Variants in MFSD11 observed in about 807,000 individuals in gnomAD.
MFSD11 encodes the protein UNC93-like protein MFSD11.
In MFSD11, 36 loss-of-function variants were observed where a neutral mutation model predicts 53.5. The observed-to-expected ratio is 0.67, with a 90% CI of 0.52 to 0.89. MFSD11 has a LOEUF of 0.89. Ranked by LOEUF, MFSD11 falls within the 40% of genes least tolerant of loss-of-function variation. The pLI, the probability that MFSD11 is intolerant of heterozygous loss-of-function variation, is 0.00. For missense variants in MFSD11, 530 were observed against 543.9 expected (o/e 0.97, Z 0.25); for synonymous variants, 186 against 184.9 (o/e 1.01, Z -0.05).
At chr17:76,803,155 C>CA in the MFSD11 span, among the ~76,000 whole-genome samples, 1 of 150,568 alleles carries the variant, frequency 6.6e-6, no homozygotes, top group African/African-American at 2.4e-5. Flanking sequence ...GACTCCGTCT[C>CA]AAAAAAACAA....
the MFSD11 span, among the ~76,000 whole-genome samples, chr17:76,791,969 C>T: frequency 2.0e-5 from 3 of 147,974 alleles, no homozygotes; most frequent in African/African-American, 5.1e-5. Flanking sequence ...AGGGCACTCA[C>T]GTCTATTCAA....
rs368885137 is a variant in MFSD11, at chr17:76,744,364, G to T, written c.539G>T (p.Ser180Ile). The T allele has an allele frequency of 8.7e-6, 14 of 1,614,084 alleles. No homozygotes were observed. ...GTGTTTATTGCCCTAACGGTGATTA[G>T]CCTTGTGGGGACAGTTCTATTCTTT... is the stretch of plus-strand genomic sequence containing the variant. Reference protein sequence around the residue: ...RTVFIALTVISLVGTVLFFLI... With the variant: ...RTVFIALTVIILVGTVLFFLI... Residue 180 changes from serine to isoleucine, a missense_variant, in exon 7 of 13, where the codon AGC (serine) becomes ATC (isoleucine). Coordinates refer to ENST00000685175, the MANE Select transcript of MFSD11 (RefSeq NM_001242532.5).
Position 76,742,087 on chromosome 17 carries a change from T to TG in MFSD11, c.340+43dup, listed in dbSNP as rs758983469. ...TTTTTAACTTCTCTGCTTTCTTTTC[T>TG]GGGGCCTATCTAAGGGTATTATTTA... On this transcript the variant is annotated intron_variant, in intron 4 of 12. Coordinates refer to ENST00000685175, the MANE Select transcript of MFSD11 (RefSeq NM_001242532.5). 3 of 1,614,168 alleles carry TG rather than the reference T, an allele frequency of 1.9e-6. No homozygotes were observed. In the East Asian group the frequency reaches 6.7e-5, roughly 36 times the overall value.
intron 10 of MFSD11, among the ~76,000 whole-genome samples, chr17:76,774,029 G>C (rs2081601087): frequency 6.6e-6 from 1 of 151,978 alleles, no homozygotes; most frequent in Non-Finnish European, 1.5e-5. Context: ...GGGTTCAAGT[G>C]ATTCTCCTGC....
intron 9 of MFSD11, chr17:76,769,194 G>C (rs2081163008): frequency 6.6e-6 from 1 of 152,300 alleles, no homozygotes; most frequent in African/African-American, 2.4e-5. Context: ...ATGCCGTCTT[G>C]TGGTATCTTA....
chr17:76,803,080 C>T, the MFSD11 span, among the ~76,000 whole-genome samples: 2 of 151,974 alleles, frequency 1.3e-5, no homozygotes, highest in Admixed American at 6.6e-5. Flanking sequence ...GGTGTGAACC[C>T]GGGAGGCAGA....
chr17:76,797,833 T>C, the MFSD11 span, among the ~76,000 whole-genome samples: 109,087 of 151,772 alleles, frequency 0.72, 40,085 homozygotes, highest in Middle Eastern at 0.81. Context: ...GGAGTTCCTA[T>C]AATCCCCAGC....
chr17:76,781,923 G>A (rs1598815824), downstream of MFSD11, among the ~76,000 whole-genome samples: 1 of 151,940 alleles, frequency 6.6e-6, no homozygotes, highest in East Asian at 1.9e-4. Context: ...TTGGGCTCAA[G>A]CAATATTCCG....
intron 7 of MFSD11, among the ~76,000 whole-genome samples, chr17:76,744,954 C>G (rs2078407421): frequency 6.6e-6 from 1 of 152,206 alleles, no homozygotes; most frequent in Non-Finnish European, 1.5e-5. Context: ...GGCTCTTGCA[C>G]TAACTTACAT....
At chr17:76,789,009 A>G in the MFSD11 span, among the ~76,000 whole-genome samples, 3 of 148,860 alleles carry the variant, frequency 2.0e-5, no homozygotes, top group Admixed American at 6.7e-5. Flanking sequence ...GGGCATAGTA[A>G]TGCACACCTG....
chr17:76,738,753 C>T (rs2077753912), intron 1 of MFSD11, among the ~76,000 whole-genome samples, 185 bp from the exon 2 acceptor site: 1 of 152,194 alleles, frequency 6.6e-6, no homozygotes, highest in Non-Finnish European at 1.5e-5. Context: ...TTCCTCCCCC[C>T]TCCCTGTCAT....
chr17:76,750,404 T>C (rs1039711163), intron 7 of MFSD11, among the ~76,000 whole-genome samples: 1 of 148,156 alleles, frequency 6.7e-6, no homozygotes, highest in Non-Finnish European at 1.5e-5. Flanking sequence ...AGTCTCACTC[T>C]GTCGCCCAGG....
At chr17:76,739,416 A>G (rs1020257179) in intron 2 of MFSD11, among the ~76,000 whole-genome samples, 1 of 152,212 alleles carries the variant, frequency 6.6e-6, no homozygotes, top group African/African-American at 2.4e-5. Flanking sequence ...TAATATACGT[A>G]TGTCAGGAGC....
chr17:76,744,554 G>T, intron 7 of MFSD11, 88 bp downstream of exon 7: 1 of 1,165,806 alleles, frequency 8.6e-7, no homozygotes, highest in South Asian at 1.6e-5. Flanking sequence ...AGCCCTAACT[G>T]ATGTCCAGTA....
chr17:76,741,146 A>G (rs2078048398), intron 3 of MFSD11, 82 bp downstream of exon 3: 1 of 938,828 alleles, frequency 1.1e-6, no homozygotes, highest in Non-Finnish European at 1.7e-6. Context: ...ACAATAATTT[A>G]TAGACTTGGA....
In MFSD11 at chr17:76,778,347, A is replaced by G. The variant is rs185341565; in HGVS notation, c.1345A>G (p.Ile449Val). 11 of 1,614,204 alleles carry G rather than the reference A, an allele frequency of 6.8e-6. No homozygotes were observed. In the African/African-American group the frequency reaches 1.1e-4, roughly 16 times the overall value. The change falls in exon 13 of 13, where the codon ATC (isoleucine) becomes GTC (valine). Residue 449 changes from isoleucine to valine, a missense_variant. Coordinates refer to ENST00000685175, the MANE Select transcript of MFSD11 (RefSeq NM_001242532.5). ...FVARGSDYRS[I>V] Reference sequence around the variant, plus strand: ...AGCCCGCGGCTCTGACTACCGAAGTATCTGATCTGGTGTCCGTGAGGGGAC... The same window carrying G: ...AGCCCGCGGCTCTGACTACCGAAGTGTCTGATCTGGTGTCCGTGAGGGGAC...
chr17:76,796,391 G>A, the MFSD11 span, among the ~76,000 whole-genome samples: 1 of 152,026 alleles, frequency 6.6e-6, no homozygotes, highest in South Asian at 2.1e-4. Context: ...TTAACTCTTG[G>A]GGGGAAGGAC....
In MFSD11 at chr17:76,767,347, A is replaced by G. The variant is rs375119514; in HGVS notation, c.683-39A>G. 4.6e-5 allele frequency: 59 copies of G among 1,276,186 alleles called. No individual in the cohort carries two copies. In the African/African-American group the frequency reaches 8.0e-4, roughly 17 times the overall value. The allele number at this position is 1,276,186 out of a possible 1,614,324, so 79.1% of individuals were successfully genotyped here. A position where few individuals can be genotyped will look rare whatever the true frequency, so the allele number is the denominator to read the frequency against. On this transcript the variant is annotated intron_variant, in intron 8 of 12. Coordinates refer to ENST00000685175, the MANE Select transcript of MFSD11 (RefSeq NM_001242532.5). ...TTTTAGAATGTTTGTTTTATTAACT[A>G]AAATCTAATTAAGTACTCTTAAATT...
intron 12 of MFSD11, among the ~76,000 whole-genome samples, chr17:76,777,479 C>A (rs1438848127): frequency 1.3e-5 from 2 of 152,204 alleles, no homozygotes; most frequent in Non-Finnish European, 2.9e-5. Context: ...AAGTGATCCG[C>A]CCGCTTGGGC....
Sources: gnomAD v4.1 joint callset for allele counts (sites outside exome capture counted in the v4.1 genomes callset) on GRCh38, gnomAD v4.1.1 for gene constraint, MANE v1.5 for transcripts, NCBI Gene and HGNC (gene_info 2026-07-23, HGNC 2026-07-21) for gene names.